Variants in PRDM11 observed in about 807,000 individuals in gnomAD.
The protein encoded by PRDM11 is PR domain-containing protein 11.
In PRDM11, 20 loss-of-function variants were observed where a neutral mutation model predicts 97.8. The observed-to-expected ratio is 0.20, with a 90% confidence interval of 0.14 to 0.30. The LOEUF (loss-of-function observed/expected upper bound fraction) is 0.30. Ranked by LOEUF, PRDM11 falls within the 10% of genes least tolerant of loss-of-function variation. PRDM11 has a pLI of 1.00. For synonymous variants in PRDM11, 599 were observed against 637.7 expected (o/e 0.94, Z 0.91); for missense variants, 1,139 against 1,555.2 (o/e 0.73, Z 4.50).
intron 5 of PRDM11, among the ~76,000 whole-genome samples, chr11:45,205,789 C>G (rs1853487793): frequency 6.6e-6 from 1 of 152,208 alleles, no homozygotes; most frequent in Non-Finnish European, 1.5e-5. Context: ...GCTCCTGTGT[C>G]CTTCCCAGTG....
At chr11:45,168,961 T>C (rs571147893) in intron 1 of PRDM11, among the ~76,000 whole-genome samples, 24 of 152,248 alleles carry the variant, frequency 1.6e-4, no homozygotes, top group African/African-American at 5.8e-4. Flanking sequence ...GCTGACCGGG[T>C]ACTTGGAGTT....
At chr11:45,144,290 G>C (rs1470685440), upstream of PRDM11, among the ~76,000 whole-genome samples, 1 of 152,106 alleles carries the variant, frequency 6.6e-6, no homozygotes, top group African/African-American at 2.4e-5. Flanking sequence ...CTCAGACCTG[G>C]GTCTCTGGAT....
chr11:45,123,675 G>A (rs1332180197), intron 1 of PRDM11, among the ~76,000 whole-genome samples: 1 of 150,106 alleles, frequency 6.7e-6, no homozygotes, highest in East Asian at 1.9e-4. Flanking sequence ...CATTATTTCT[G>A]AGGGCTCTGT....
chr11:45,111,687 C>T (rs1053438084), intron 1 of PRDM11, among the ~76,000 whole-genome samples: 3 of 152,164 alleles, frequency 2.0e-5, no homozygotes, highest in African/African-American at 4.8e-5. Context: ...CACATGCACT[C>T]GAACCCTCCG....
chr11:45,113,335 C>T (rs112976092), intron 1 of PRDM11, among the ~76,000 whole-genome samples: 1 of 152,226 alleles, frequency 6.6e-6, no homozygotes, highest in African/African-American at 2.4e-5. Flanking sequence ...ACCAGTACTA[C>T]ACTGTTTTGG....
In PRDM11 at chr11:45,133,612, G is replaced by T. The variant is rs758192781; in HGVS notation, c.96+37711G>T. On this transcript the variant is annotated intron_variant, in intron 1 of 6. Transcript: ENST00000530656. ...CTCAAACCAGTGTTCGCTGAGTTTC[G>T]GGCACTGGCCAGTGGAGCTCAGCAC... Among the ~76,000 whole-genome samples, 52 of 152,082 alleles carry T rather than the reference G, an allele frequency of 3.4e-4. 1 individual carries two copies. The highest frequency in any genetic ancestry group is 1.5e-3 in the Admixed American group (23 of 15,244).
intron 1 of PRDM11, among the ~76,000 whole-genome samples, chr11:45,124,261 C>G (rs1364350226): frequency 2.0e-5 from 3 of 152,174 alleles, no homozygotes; most frequent in Non-Finnish European, 2.9e-5. Flanking sequence ...ATGGGGTTTT[C>G]TAGATTTACA....
intron 1 of PRDM11, among the ~76,000 whole-genome samples, chr11:45,167,464 G>A (rs1381292027): frequency 6.6e-6 from 1 of 152,112 alleles, no homozygotes; most frequent in African/African-American, 2.4e-5. Flanking sequence ...CGAGTCCCAT[G>A]GGTTGGCCCA....
At position 45,181,879 on chromosome 11, in the gene PRDM11, A is replaced by G. The variant is rs1565296729; in HGVS notation, c.113A>G (p.Gln38Arg). 6.2e-7 allele frequency: 1 copy of G among 1,611,968 alleles called. No homozygotes were observed. The highest frequency in any genetic ancestry group is 8.5e-7 in the Non-Finnish European group (1 of 1,179,290). The stretch of plus-strand genomic sequence containing the variant: ...CCACTCCGAGACCAGGAGTATGGCC[A>G]GCCCTGGTGAGGCCCCTGTGTGGGA... ...CSPLRDQEYGQPCSRRPDSSA... is the reference protein window; with the variant it reads ...CSPLRDQEYGRPCSRRPDSSA... The change falls in exon 2 of 8, where the codon CAG (glutamine) becomes CGG (arginine). Residue 38 changes from glutamine to arginine, a missense_variant. Around this residue, in one of 2 missense-constraint regions of PRDM11, gnomAD observed 429 missense variants for 510.3 expected, o/e 0.84. Transcript: ENST00000683152.
intron 4 of PRDM11, among the ~76,000 whole-genome samples, chr11:45,187,231 T>C (rs1009526452): frequency 2.6e-5 from 4 of 152,048 alleles, no homozygotes; most frequent in Non-Finnish European, 5.9e-5. Flanking sequence ...GAGAGGGGGA[T>C]TGGTTTCAAC....
chr11:45,115,825 G>A (rs1239848719), intron 1 of PRDM11, among the ~76,000 whole-genome samples: 1 of 151,788 alleles, frequency 6.6e-6, no homozygotes, highest in Non-Finnish European at 1.5e-5. Flanking sequence ...AGCTACTTGG[G>A]AGGCTGAGGT....
chr11:45,101,567 A>AAAAAAAAAAAAAGAAG (rs767802218), intron 1 of PRDM11, among the ~76,000 whole-genome samples: 6 of 96,834 alleles, frequency 6.2e-5, no homozygotes, highest in African/African-American at 1.5e-4. Context: ...AAAAAAAAAA[A>AAAAAAAAAAAAAGAAG]AAGAAGAAGA....
At chr11:45,131,390 G>A (rs552248867) in intron 1 of PRDM11, among the ~76,000 whole-genome samples, 37 of 152,316 alleles carry the variant, frequency 2.4e-4, no homozygotes, top group African/African-American at 8.9e-4. Context: ...TCAATGCAAA[G>A]TTAAAAATAG....
intron 2 of PRDM11, 116 bp from the exon 3 acceptor site, chr11:45,182,130 C>T (rs1852528855): frequency 2.2e-6 from 2 of 913,980 alleles, no homozygotes; most frequent in East Asian, 2.6e-5. Flanking sequence ...GCTGGGACTC[C>T]TCTGCCCACC....
At chr11:45,138,213 C>T (rs2135662139) in intron 1 of PRDM11, among the ~76,000 whole-genome samples, 1 of 152,184 alleles carries the variant, frequency 6.6e-6, no homozygotes, top group South Asian at 2.1e-4. Context: ...GCAGGTAATA[C>T]AGAGAACAGA....
chr11:45,226,379 T>A lies in PRDM11; in HGVS notation c.1754T>A (p.Met585Lys). 6.5e-7 allele frequency: 1 copy of A among 1,533,934 alleles called. No individual in the cohort carries two copies. Among genetic ancestry groups the A allele is most frequent in the African/African-American group, 1.4e-5 (1 of 73,088 alleles). Residue 585 changes from methionine to lysine, a missense_variant, in exon 8 of 8, where the codon ATG becomes AAG. Around this residue, in one of 2 missense-constraint regions of PRDM11, gnomAD observed 710 missense variants for 1,044.9 expected, o/e 0.68. Transcript: ENST00000683152. ...ATGCACCCGGAGAAGACAGAGGAGA[T>A]GTGTCGCAACATGACCCTGCTCTTC... ...LRMHPEKTEE[M>K]CRNMTLLFNT...
intron 1 of PRDM11, among the ~76,000 whole-genome samples, chr11:45,132,723 A>T (rs1852746679): frequency 6.6e-6 from 1 of 152,200 alleles, no homozygotes. Flanking sequence ...GGGACCTCTA[A>T]GGACATCGAA....
exon 1 of PRDM11, chr11:45,095,853 C>T (rs1024085971): frequency 1.3e-6 from 1 of 779,648 alleles, no homozygotes; most frequent in South Asian, 1.3e-5. Flanking sequence ...TCGTGGAGTG[C>T]CGGGCCTGCC....
rs762811255 is a variant in PRDM11 at position 45,219,541 on chromosome 11, C to T, written c.555-29C>T. On this transcript the variant is annotated intron_variant, in intron 5 of 7. Transcript: ENST00000683152. This position sits in a 1 kb window ranked among gnomAD's most constrained non-coding sequence, Gnocchi z 4.2. Reference sequence around the variant, plus strand: ...GGCACTCAACAAAGGGTGGCCCGTGCGTTCTCACCTGTCTCCCCTCCCCAC... The same window carrying T: ...GGCACTCAACAAAGGGTGGCCCGTGTGTTCTCACCTGTCTCCCCTCCCCAC... 1.3e-5 allele frequency: 20 copies of T among 1,588,842 alleles called. 1 individual carries two copies. The South Asian group carries it at 1.9e-4, about 15-fold the overall frequency.
Sources: gnomAD v4.1 joint callset for allele counts (sites outside exome capture counted in the v4.1 genomes callset) on GRCh38, gnomAD v4.1.1 for gene constraint, gnomAD v4.1.1 regional missense constraint, Gnocchi (gnomAD v3.1) non-coding constraint, MANE v1.5 for transcripts, NCBI Gene and HGNC (gene_info 2026-07-23, HGNC 2026-07-21) for gene names.